The following SMARCA4 variants were observed in gnomAD, a reference collection of about 807,000 sequenced individuals.
SMARCA4 encodes the protein SWI/SNF-related matrix-associated actin-dependent regulator of chromatin subfamily A member 4.
SMARCA4 carries 31 observed loss-of-function variants against 193.9 expected under a neutral mutation model. The ratio of observed to expected loss-of-function variants is 0.16; its 90% CI spans 0.12 to 0.22. SMARCA4 has a LOEUF of 0.22. SMARCA4 is among the 10% of genes least tolerant of loss of function. The pLI, the probability that SMARCA4 is intolerant of heterozygous loss-of-function variation, is 1.00. For missense variants in SMARCA4, 1,148 were observed against 2,296.0 expected, an observed-to-expected ratio of 0.50 and a Z score of 10.22; for synonymous variants, 942 against 933.1, an observed-to-expected ratio of 1.01 and a Z score of -0.17.
chr19:11,047,270 C>T (rs1293026189), intron 30 of SMARCA4, among the ~76,000 whole-genome samples: 3 of 152,132 alleles, frequency 2.0e-5, no homozygotes, highest in Admixed American at 1.3e-4. Context: ...CCAAGGTGGG[C>T]GGATCACTTG....
intron 16 of SMARCA4, among the ~76,000 whole-genome samples, chr19:11,013,976 A>G (rs540188922): frequency 1.7e-3 from 255 of 152,074 alleles, no homozygotes; most frequent in African/African-American, 5.9e-3. Context: ...CTAAAGGGGG[A>G]CCTGCCTAGG....
At chr19:10,974,706 T>A (rs1439157277) in intron 1 of SMARCA4, among the ~76,000 whole-genome samples, 13 of 102,202 alleles carry the variant, frequency 1.3e-4, no homozygotes, top group African/African-American at 2.8e-4. Context: ...TTTTTTTTTT[T>A]TTTTTTTTTT....
At chr19:11,011,048 AAAGT>A in intron 15 of SMARCA4, 1 of 223,012 alleles carries the variant, frequency 4.5e-6, no homozygotes, top group Non-Finnish European at 9.1e-6. Flanking sequence ...GTGAGGGTGA[AAAGT>A]TGGTGGCTCT....
rs925020844 is a variant in SMARCA4, at chr19:11,033,805, C to T, written c.3813C>T (p.Phe1271=). 2.6e-6 allele frequency: 2 copies of T among 779,830 alleles called. No homozygotes were observed. Among genetic ancestry groups the T allele is most frequent in the Non-Finnish European group, 4.8e-6 (2 of 418,220 alleles). 48.3% of individuals were successfully genotyped at this position (779,830 alleles called of 1,614,324 possible). ...GCACGGGCAGCGGCAGTGCCAGCTT[C>T]GCCCACACTGCCCCTCCGCCAGCGG... is the stretch of plus-strand genomic sequence containing the variant. ...HCSTGSGSAS[F]AHTAPPPAGV... Residue 1271 remains phenylalanine, a synonymous_variant, in exon 27 of 35, where the codon TTC becomes TTT. Coordinates refer to ENST00000344626, the MANE Select transcript of SMARCA4 (RefSeq NM_003072.5). This position sits in a 1 kb window ranked among gnomAD's most constrained non-coding sequence, Gnocchi z 9.8.
rs1199056971 is a variant in SMARCA4 at position 11,034,858 on chromosome 19, G to A, written c.3952-56G>A. On this transcript the variant is annotated intron_variant, in intron 28 of 34. Coordinates refer to ENST00000344626, the MANE Select transcript of SMARCA4 (RefSeq NM_003072.5). This position sits in a 1 kb window ranked among gnomAD's most constrained non-coding sequence, Gnocchi z 7.0. ...CTGAACTCTCGGTGTTCTGGCTCTA[G>A]CGTGCCCCTGGTGCCTGCATGCTGA... 6 of 1,157,316 alleles carry A rather than the reference G, an allele frequency of 5.2e-6. No individual in the cohort carries two copies. The Admixed American group carries it at 7.9e-5, about 15-fold the overall frequency. 71.7% of individuals were successfully genotyped at this position (1,157,316 alleles called of 1,614,324 possible).
At chr19:11,046,047 C>A (rs2075887837) in intron 30 of SMARCA4, among the ~76,000 whole-genome samples, 1 of 152,182 alleles carries the variant, frequency 6.6e-6, no homozygotes, top group South Asian at 2.1e-4. Context: ...CACAGTGAAA[C>A]CCCGTCTCTA....
chr19:11,025,704 C>T (rs1006123742), intron 22 of SMARCA4, 196 bp downstream of exon 22: 10 of 598,058 alleles, frequency 1.7e-5, no homozygotes, highest in South Asian at 6.9e-5. Context: ...GCGCAACGTG[C>T]GATAGGAATA....
At chr19:10,971,061 T>C (rs757388030) in intron 1 of SMARCA4, among the ~76,000 whole-genome samples, 15 of 152,232 alleles carry the variant, frequency 9.9e-5, no homozygotes, top group Non-Finnish European at 1.9e-4. Flanking sequence ...CTGGGCGTGG[T>C]GGCGCGTGCC....
At chr19:10,973,966 C>CTGT (rs1458210191) in intron 1 of SMARCA4, among the ~76,000 whole-genome samples, 3 of 152,164 alleles carry the variant, frequency 2.0e-5, no homozygotes. Flanking sequence ...CTGCCCATTG[C>CTGT]TGTTGTTCCG....
rs1022837481 is a variant in SMARCA4, at chr19:11,034,445, C to T, written c.3951+245C>T. Among the ~76,000 whole-genome samples, 5 of 152,334 alleles carry T rather than the reference C, an allele frequency of 3.3e-5. No individual in the cohort carries two copies. The highest frequency in any genetic ancestry group is 7.4e-5 in the Non-Finnish European group (5 of 68,018). On this transcript the variant is annotated intron_variant, in intron 28 of 34. Coordinates refer to ENST00000344626, the MANE Select transcript of SMARCA4 (RefSeq NM_003072.5). This position sits in a 1 kb window ranked among gnomAD's most constrained non-coding sequence, Gnocchi z 7.0. ...TGTGACCCGAGACCTGCCCCACCAG[C>T]TCTGTTTTCTAACGGGCTCTCCAGG...
In SMARCA4 at chr19:10,987,890, G is replaced by A. The variant is rs776534924; in HGVS notation, c.1084G>A (p.Asp362Asn). 9.3e-6 allele frequency: 15 copies of A among 1,612,952 alleles called. No homozygotes were observed. Among genetic ancestry groups the A allele is most frequent in the Admixed American group, 3.3e-5 (2 of 59,974 alleles). The change falls in exon 6 of 35, where the codon GAC becomes AAC. Residue 362 changes from aspartate (D) to asparagine (N), a missense_variant. Physicochemically the swap from Asp to Asn is conservative, Grantham distance 23 (BLOSUM62 1). Coordinates refer to ENST00000344626, the MANE Select transcript of SMARCA4 (RefSeq NM_003072.5). The surrounding 1 kb of genome is among the most constrained non-coding windows in gnomAD (Gnocchi z 5.3). Reference sequence around the variant, plus strand: ...CCCCATCCAGAAGCCGCGGGGCCTCGACCCTGTGGAGATCCTGCAGGAGCG... The same window carrying A: ...CCCCATCCAGAAGCCGCGGGGCCTCAACCCTGTGGAGATCCTGCAGGAGCG... ...ITPIQKPRGLDPVEILQEREY... is the reference protein window; with the variant it reads ...ITPIQKPRGLNPVEILQEREY...
chr19:10,976,724 A>C (rs1039343633), intron 1 of SMARCA4, among the ~76,000 whole-genome samples: 2 of 148,626 alleles, frequency 1.3e-5, no homozygotes, highest in African/African-American at 2.5e-5. Context: ...ACTGCATTCC[A>C]GCCTGGGAGA....
In SMARCA4 at chr19:10,985,011, G is replaced by A. The variant is rs186119032; in HGVS notation, c.223-262G>A. 2.2e-4 allele frequency among the ~76,000 whole-genome samples: 34 copies of A among 152,262 alleles called. No individual in the cohort carries two copies. The highest frequency in any genetic ancestry group is 6.2e-4 in the South Asian group (3 of 4,816). On this transcript the variant is annotated intron_variant, in intron 2 of 34. Transcript: ENST00000344626. This position sits in a 1 kb window ranked among gnomAD's most constrained non-coding sequence, Gnocchi z 4.5. ...AGTGTCACGGGCCACAGGAGGTCCC[G>A]GGTGGTAGAAGATGAGGATTGCTTG...
intron 1 of SMARCA4, among the ~76,000 whole-genome samples, chr19:10,982,876 C>G (rs1056473484): frequency 6.6e-6 from 1 of 152,092 alleles, no homozygotes; most frequent in African/African-American, 2.4e-5. Flanking sequence ...TCCTTAGAAC[C>G]AGAAATATGC....
At chr19:11,026,419 A>G in intron 23 of SMARCA4, 73 bp downstream of exon 23, 1 of 1,119,128 alleles carries the variant, frequency 8.9e-7, no homozygotes, top group Non-Finnish European at 1.4e-6. Flanking sequence ...TGTTGGCTTT[A>G]TTGCTGCTGT....
chr19:11,009,270 T>G (rs1399561710), intron 14 of SMARCA4, among the ~76,000 whole-genome samples: 2 of 151,878 alleles, frequency 1.3e-5, no homozygotes, highest in Non-Finnish European at 2.9e-5. Flanking sequence ...TCTACCCACT[T>G]TGAGCTCCCA....
intron 11 of SMARCA4, among the ~76,000 whole-genome samples, chr19:10,998,792 A>G (rs57900086): frequency 0.065 from 9,883 of 151,876 alleles, 356 homozygotes; most frequent in South Asian, 0.11. Context: ...CTTTTGGTAC[A>G]TGCCCACCAT....
intron 11 of SMARCA4, among the ~76,000 whole-genome samples, chr19:10,996,855 C>T (rs2087107456): frequency 6.6e-6 from 1 of 152,104 alleles, no homozygotes; most frequent in Admixed American, 6.5e-5. Context: ...CCAGAGTCTC[C>T]ATTTTCACGT....
At position 10,987,569 on chromosome 19, in the gene SMARCA4, G is replaced by T; in HGVS notation, c.860-97G>T. ...GGTGGGAGATGGGCGGGGTCTGCCT[G>T]TCCCCAGTGCCTCAAGCAGCTCAGC... On this transcript the variant is annotated intron_variant, in intron 5 of 34. Transcript: ENST00000344626. This position sits in a 1 kb window ranked among gnomAD's most constrained non-coding sequence, Gnocchi z 5.3. 7.0e-7 allele frequency: 1 copy of T among 1,433,338 alleles called. No homozygotes were observed. The highest frequency in any genetic ancestry group is 1.7e-5 in the Admixed American group (1 of 58,676). 88.8% of individuals were successfully genotyped at this position (1,433,338 alleles called of 1,614,324 possible). A position where few individuals can be genotyped will look rare whatever the true frequency, so the allele number is the denominator to read the frequency against.
Sources: gnomAD v4.1 joint callset for allele counts (sites outside exome capture counted in the v4.1 genomes callset) on GRCh38, gnomAD v4.1.1 for gene constraint, Gnocchi (gnomAD v3.1) non-coding constraint, MANE v1.5 for transcripts, NCBI Gene and HGNC (gene_info 2026-07-23, HGNC 2026-07-21) for gene names.